Variants in SRBD1 observed in about 807,000 individuals in gnomAD.
The protein encoded by SRBD1 is S1 RNA-binding domain-containing protein 1.
Under a neutral mutation model 115.3 loss-of-function variants are expected in SRBD1, and 88 were observed. That is an observed-to-expected ratio of 0.76 (90% CI 0.64 to 0.91). SRBD1 has a LOEUF of 0.91. Among genes scored for constraint, SRBD1 ranks in the 40% least tolerant of loss-of-function variants. The pLI, the probability that SRBD1 is intolerant of heterozygous loss-of-function variation, is 0.00. For missense variants in SRBD1, 1,385 were observed against 1,177.4 expected, an observed-to-expected ratio of 1.18 and a Z score of -2.58; for synonymous variants, 509 against 407.7, an observed-to-expected ratio of 1.25 and a Z score of -2.99.
intron 14 of SRBD1, among the ~76,000 whole-genome samples, chr2:45,500,482 G>A (rs1207483574): frequency 6.6e-6 from 1 of 151,680 alleles, no homozygotes; most frequent in African/African-American, 2.4e-5. Flanking sequence ...GAGTGCAGTG[G>A]CACAATCACG....
At chr2:45,431,944 T>C (rs1052141806) in intron 16 of SRBD1, among the ~76,000 whole-genome samples, 11 of 152,188 alleles carry the variant, frequency 7.2e-5, no homozygotes, top group Admixed American at 1.3e-4. Context: ...GCTGTAAATA[T>C]AAACTTTGCT....
chr2:45,500,681 G>A (rs1463584522), intron 14 of SRBD1, among the ~76,000 whole-genome samples: 1 of 152,132 alleles, frequency 6.6e-6, no homozygotes, highest in Non-Finnish European at 1.5e-5. Context: ...CTCCCAAAGT[G>A]CTGGGATTAC....
At chr2:45,456,018 C>A (rs1301310779) in intron 16 of SRBD1, among the ~76,000 whole-genome samples, 1 of 151,604 alleles carries the variant, frequency 6.6e-6, no homozygotes, top group East Asian at 1.9e-4. Flanking sequence ...TTATAGAGTT[C>A]TGTGAACCAG....
At chr2:45,440,556 TG>T (rs1668634231) in intron 16 of SRBD1, among the ~76,000 whole-genome samples, 1 of 152,232 alleles carries the variant, frequency 6.6e-6, no homozygotes, top group Non-Finnish European at 1.5e-5. Flanking sequence ...TTCTGGCTCA[TG>T]ACATATGCAT....
chr2:45,456,968 A>T (rs933701970), intron 16 of SRBD1, among the ~76,000 whole-genome samples: 1 of 151,968 alleles, frequency 6.6e-6, no homozygotes, highest in African/African-American at 2.4e-5. Flanking sequence ...TGACATAGAA[A>T]ATGTATATAT....
chr2:45,515,131 G>A (rs1671080664), intron 14 of SRBD1, among the ~76,000 whole-genome samples: 1 of 152,110 alleles, frequency 6.6e-6, no homozygotes, highest in South Asian at 2.1e-4. Flanking sequence ...GAGAGTAGAA[G>A]AAATTATATC....
At chr2:45,467,670 T>C (rs112141752) in intron 16 of SRBD1, among the ~76,000 whole-genome samples, 2,725 of 152,288 alleles carry the variant, frequency 0.018, 83 homozygotes, top group African/African-American at 0.062. Context: ...TTACAAAGCA[T>C]TTGACTTCGT....
intron 5 of SRBD1, among the ~76,000 whole-genome samples, chr2:45,583,238 G>A (rs904688702): frequency 7.9e-5 from 12 of 151,286 alleles, no homozygotes; most frequent in Non-Finnish European, 1.8e-4. Flanking sequence ...AAAGGCAGAA[G>A]ACTATAAATT....
intron 3 of SRBD1, 47 bp downstream of exon 3, chr2:45,601,856 A>G: frequency 1.3e-6 from 2 of 1,591,908 alleles, no homozygotes; most frequent in Non-Finnish European, 1.7e-6. Context: ...AACATCACCA[A>G]TCAGGAAGAC....
chr2:45,476,755 T>C (rs571783387), intron 16 of SRBD1, among the ~76,000 whole-genome samples: 12 of 152,352 alleles, frequency 7.9e-5, no homozygotes, highest in African/African-American at 2.4e-4. Flanking sequence ...AGTGTTTTCA[T>C]AGTCTTTCAA....
rs145942857 is a variant in SRBD1, at chr2:45,574,670, T to C, written c.1126A>G (p.Met376Val). ...AGCGTGTCTTTGTCTTTAGCAATCA[T>C]ATCTGCTAAAATATGCTGCACTCCT... The part of the protein sequence containing the change: ...EIGVQHILAD[M>V]IAKDKDTLDF... The change falls in exon 8 of 21, where the codon ATG becomes GTG. Residue 376 changes from methionine (M) to valine (V), a missense_variant. Transcript: ENST00000263736. 315 of 1,613,838 alleles carry C rather than the reference T, an allele frequency of 2.0e-4. No homozygotes were observed. The highest frequency in any genetic ancestry group is 2.5e-4 in the Non-Finnish European group (294 of 1,179,906).
chr2:45,606,437 G>A (rs1325109687), intron 1 of SRBD1, among the ~76,000 whole-genome samples: 1 of 152,168 alleles, frequency 6.6e-6, no homozygotes, highest in African/African-American at 2.4e-5. Context: ...TGGGATTACA[G>A]GCATGAGTCA....
At chr2:45,455,827 G>C (rs964628569) in intron 16 of SRBD1, among the ~76,000 whole-genome samples, 3 of 151,830 alleles carry the variant, frequency 2.0e-5, no homozygotes, top group African/African-American at 7.2e-5. Context: ...GAATTAAACA[G>C]CAAATTTTCT....
chr2:45,550,927 G>C (rs778803898), intron 12 of SRBD1, among the ~76,000 whole-genome samples, 198 bp downstream of exon 12: 1 of 152,208 alleles, frequency 6.6e-6, no homozygotes, highest in Non-Finnish European at 1.5e-5. Context: ...ATAAATGATA[G>C]TTGTATATTG....
chr2:45,496,493 A>G (rs1670463418), intron 14 of SRBD1, among the ~76,000 whole-genome samples: 1 of 152,178 alleles, frequency 6.6e-6, no homozygotes, highest in African/African-American at 2.4e-5. Flanking sequence ...TAATAATTAA[A>G]AAGAGAAAGA....
At chr2:45,587,410 G>C (rs1027989723) in intron 4 of SRBD1, among the ~76,000 whole-genome samples, 2 of 151,780 alleles carry the variant, frequency 1.3e-5, no homozygotes, top group African/African-American at 2.4e-5. Flanking sequence ...GCCCGGAAAA[G>C]AGAAAGAATA....
At position 45,418,361 on chromosome 2, in the gene SRBD1, T is replaced by A. The variant is rs200130225; in HGVS notation, c.2333+4A>T. ...ATAGAATCAAAGTGTATACTTATAC[T>A]CACCTGCAAAACGTTCGGATATAAT... On this transcript the variant is annotated splice_donor_region_variant and intron_variant, in intron 18 of 20. Coordinates refer to ENST00000263736, the MANE Select transcript of SRBD1 (RefSeq NM_018079.5). 67 of 1,613,344 alleles carry A rather than the reference T, an allele frequency of 4.2e-5. No individual in the cohort carries two copies. In the Middle Eastern group the frequency reaches 5.0e-4, roughly 12 times the overall value.
At chr2:45,456,708 G>C (rs904151545) in intron 16 of SRBD1, among the ~76,000 whole-genome samples, 1 of 151,710 alleles carries the variant, frequency 6.6e-6, no homozygotes. Context: ...CTAAAGTTGA[G>C]GCCAGCATGC....
intron 19 of SRBD1, among the ~76,000 whole-genome samples, chr2:45,409,767 T>C (rs1004672627): frequency 6.6e-6 from 1 of 152,140 alleles, no homozygotes; most frequent in Admixed American, 6.5e-5. Context: ...CCATTTACAA[T>C]AGTGTTGAAA....
Sources: gnomAD v4.1 joint callset for allele counts (sites outside exome capture counted in the v4.1 genomes callset) on GRCh38, gnomAD v4.1.1 for gene constraint, MANE v1.5 for transcripts, NCBI Gene and HGNC (gene_info 2026-07-23, HGNC 2026-07-21) for gene names.